The following PCDHGC3 variants were observed in gnomAD, a reference collection of about 807,000 sequenced individuals.
PCDHGC3 encodes the protein protocadherin gamma subfamily C, 3.
In PCDHGC3, 26 loss-of-function variants were observed where a neutral mutation model predicts 59.2. That is an observed-to-expected ratio of 0.44 (90% CI 0.32 to 0.61). The LOEUF is 0.61. PCDHGC3 is among the 20% of genes least tolerant of loss of function. The probability of loss-of-function intolerance (pLI) is 0.05; values close to 1 mark genes in which losing one functional copy is unlikely to be tolerated. For synonymous variants in PCDHGC3, 487 were observed against 519.7 expected (o/e 0.94, Z 0.86); for missense variants, 1,080 against 1,221.8 (o/e 0.88, Z 1.73).
At chr5:141,509,574 G>A (rs554778751) in intron 3 of PCDHGC3, among the ~76,000 whole-genome samples, 7 of 152,182 alleles carry the variant, frequency 4.6e-5, no homozygotes, top group Non-Finnish European at 5.9e-5. Flanking sequence ...TTCACAGTGC[G>A]TACAAATCAG....
intron 1 of PCDHGC3, among the ~76,000 whole-genome samples, chr5:141,492,927 G>C (rs925569925): frequency 6.6e-6 from 1 of 152,180 alleles, no homozygotes; most frequent in Non-Finnish European, 1.5e-5. Context: ...AGCGATCTAG[G>C]GTCAGAGATT....
At chr5:141,507,809 C>G (rs866898784) in intron 3 of PCDHGC3, among the ~76,000 whole-genome samples, 1 of 152,206 alleles carries the variant, frequency 6.6e-6, no homozygotes, top group Non-Finnish European at 1.5e-5. Context: ...CCCTGGGGAA[C>G]GGACCCTGGG....
intron 2 of PCDHGC3, 22 bp from the exon 3 acceptor site, chr5:141,505,371 C>G: frequency 1.2e-6 from 2 of 1,613,980 alleles, no homozygotes; most frequent in Non-Finnish European, 1.7e-6. Context: ...AGTCTGTGCT[C>G]ACCATCCTAC....
intron 2 of PCDHGC3, among the ~76,000 whole-genome samples, chr5:141,502,250 T>A (rs915754322): frequency 2.6e-5 from 4 of 152,242 alleles, no homozygotes; most frequent in East Asian, 3.8e-4. Context: ...TCCTTTTTTT[T>A]AATCCAGGAT....
Position 141,487,256 on chromosome 5 carries a change from G to T in PCDHGC3, c.2431-7551G>T. On this transcript the variant is annotated intron_variant, in intron 1 of 3. Coordinates refer to ENST00000308177, the MANE Select transcript of PCDHGC3 (RefSeq NM_002588.4). This position sits in a 1 kb window ranked among gnomAD's most constrained non-coding sequence, Gnocchi z 5.0. Reference sequence around the variant, plus strand: ...ATCTCGTCTAACCCTCTACTTGGCTGTGTCCCTAGTGGCAATTTGCTTTGT... The same window carrying T: ...ATCTCGTCTAACCCTCTACTTGGCTTTGTCCCTAGTGGCAATTTGCTTTGT... The T allele has an allele frequency of 2.5e-6, 4 of 1,614,166 alleles. No homozygotes were observed. Among genetic ancestry groups the T allele is most frequent in the Non-Finnish European group, 2.5e-6 (3 of 1,180,032 alleles).
At position 141,491,346 on chromosome 5, in the gene PCDHGC3, T is replaced by A. The variant is rs760843553; in HGVS notation, c.2431-3461T>A. ...TCATTGTGGCTCTAGCGACCGTCAG[T>A]CTCTTATCCCTAGTCACCTTCACCT... On this transcript the variant is annotated intron_variant, in intron 1 of 3. Coordinates refer to ENST00000308177, the MANE Select transcript of PCDHGC3 (RefSeq NM_002588.4). This position sits in a 1 kb window ranked among gnomAD's most constrained non-coding sequence, Gnocchi z 6.9. The A allele has an allele frequency of 6.2e-7, 1 of 1,614,088 alleles. No individual in the cohort carries two copies. The highest frequency in any genetic ancestry group is 1.1e-5 in the South Asian group (1 of 91,080).
Position 141,489,179 on chromosome 5 carries a change from C to T in PCDHGC3, c.2431-5628C>T. ...AGACTTCAGCTGCTGCATTCCAAGC[C>T]CTGGGTCTACCTTGGAGACAGGACA... On this transcript the variant is annotated intron_variant, in intron 1 of 3. Coordinates refer to ENST00000308177, the MANE Select transcript of PCDHGC3 (RefSeq NM_002588.4). The surrounding 1 kb of genome is among the most constrained non-coding windows in gnomAD (Gnocchi z 4.5). The T allele has an allele frequency of 8.0e-7, 1 of 1,243,186 alleles. No individual in the cohort carries two copies. The highest frequency in any genetic ancestry group is 1.1e-6 in the Non-Finnish European group (1 of 890,032). The allele number at this position is 1,243,186 out of a possible 1,614,324, so 77.0% of individuals were successfully genotyped here. A position where few individuals can be genotyped will look rare whatever the true frequency, so the allele number is the denominator to read the frequency against.
Position 141,491,900 on chromosome 5 carries a change from G to A in PCDHGC3, c.2431-2907G>A, listed in dbSNP as rs1268804496. 7.0e-7 allele frequency: 1 copy of A among 1,429,818 alleles called. No individual in the cohort carries two copies. Among genetic ancestry groups the A allele is most frequent in the East Asian group, 2.5e-5 (1 of 39,444 alleles). The allele number at this position is 1,429,818 out of a possible 1,614,324, so 88.6% of individuals were successfully genotyped here. A position where few individuals can be genotyped will look rare whatever the true frequency, so the allele number is the denominator to read the frequency against. ...TAAGGGATGGGGCTCCGAGCACCGGGGGTGGTGGCGACTGTGGGCGAGGGG... is the reference window on the plus strand; with the variant it reads ...TAAGGGATGGGGCTCCGAGCACCGGAGGTGGTGGCGACTGTGGGCGAGGGG... On this transcript the variant is annotated intron_variant, in intron 1 of 3. Coordinates refer to ENST00000308177, the MANE Select transcript of PCDHGC3 (RefSeq NM_002588.4). This position sits in a 1 kb window ranked among gnomAD's most constrained non-coding sequence, Gnocchi z 6.9.
rs889285153 is a variant in PCDHGC3, at chr5:141,494,978, T to C, written c.2489+113T>C. ...TGCTACAGATGGCTTCTCCCTCAGT[T>C]TGAGATCCCAGGGAGGTCTTGGTGT... On this transcript the variant is annotated intron_variant, in intron 2 of 3. Transcript: ENST00000308177. 7.6e-6 allele frequency: 12 copies of C among 1,572,974 alleles called. No homozygotes were observed. In the Admixed American group the frequency reaches 1.3e-4, roughly 17 times the overall value.
rs1456451105 is a variant in PCDHGC3 at position 141,477,377 on chromosome 5, C to T, written c.1261C>T (p.Pro421Ser). Reference sequence around the variant, plus strand: ...TGCAGACCTGGATCGGGAGACTGTGCCAGAATACAACCTCAGCATCACCGC... The same window carrying T: ...TGCAGACCTGGATCGGGAGACTGTGTCAGAATACAACCTCAGCATCACCGC... Reference protein sequence around the residue: ...TSADLDRETVPEYNLSITARD... With the variant: ...TSADLDRETVSEYNLSITARD... The change falls in exon 1 of 4, where the codon CCA becomes TCA. Residue 421 changes from proline to serine, a missense_variant. Pro to Ser is a moderately conservative substitution (Grantham distance 74). Coordinates refer to ENST00000308177, the MANE Select transcript of PCDHGC3 (RefSeq NM_002588.4). This position sits in a 1 kb window ranked among gnomAD's most constrained non-coding sequence, Gnocchi z 4.9. 1 of 1,614,144 alleles carries T rather than the reference C, an allele frequency of 6.2e-7. No homozygotes were observed. Among genetic ancestry groups the T allele is most frequent in the South Asian group, 1.1e-5 (1 of 91,080 alleles).
rs760680204 is a variant in PCDHGC3, at chr5:141,477,505, CG to C, written c.1390del (p.Val464PhefsTer14). ...CACAATCTTCTCAATCTTCCTACGA[CG>C]TTTACATTGAAGAAAACAACCTCCC... Reference protein sequence around the residue: ...PPQSSQSSYDVYIEENNLPGA... With the variant: ...PPQSSQSSYDXYIEENNLPGA... On this transcript the variant is annotated frameshift_variant, in exon 1 of 4. Coordinates refer to ENST00000308177, the MANE Select transcript of PCDHGC3 (RefSeq NM_002588.4). LOFTEE classifies it high-confidence loss of function. The surrounding 1 kb of genome is among the most constrained non-coding windows in gnomAD (Gnocchi z 4.9). The C allele has an allele frequency of 1.2e-5, 19 of 1,614,008 alleles. No individual in the cohort carries two copies. The highest frequency in any genetic ancestry group is 8.5e-7 in the Non-Finnish European group (1 of 1,180,018).
In PCDHGC3 at chr5:141,503,070, G is replaced by A. The variant is rs868143537; in HGVS notation, c.2490-2323G>A. 1.5e-4 allele frequency among the ~76,000 whole-genome samples: 23 copies of A among 151,614 alleles called. No individual in the cohort carries two copies. The Middle Eastern group carries it at 0.01, about 68-fold the overall frequency. On this transcript the variant is annotated intron_variant, in intron 2 of 3. Coordinates refer to ENST00000308177, the MANE Select transcript of PCDHGC3 (RefSeq NM_002588.4). ...GGGTTTCACCATGTTGGTCAGAATGGTCTCGATCTCCTGACCTCGTGGTCT... is the reference window on the plus strand; with the variant it reads ...GGGTTTCACCATGTTGGTCAGAATGATCTCGATCTCCTGACCTCGTGGTCT...
intron 1 of PCDHGC3, among the ~76,000 whole-genome samples, chr5:141,481,008 A>G (rs2099529606): frequency 6.6e-6 from 1 of 152,224 alleles, no homozygotes; most frequent in Non-Finnish European, 1.5e-5. Context: ...CAGTGAGCCC[A>G]GATCACACCA....
At position 141,505,451 on chromosome 5, in the gene PCDHGC3, C is replaced by T. The variant is rs1350424069; in HGVS notation, c.2548C>T (p.Leu850=). Residue 850 remains leucine (L), a synonymous_variant, in exon 3 of 4, where the codon CTG becomes TTG. Transcript: ENST00000308177. The part of the protein sequence containing the change: ...WPNNQFDTEM[L]QAMILASASE... ...CAACAACCAGTTTGACACAGAGATG[C>T]TGCAAGCCATGATCTTGGCGTCCGC... The T allele has an allele frequency of 1.2e-6, 2 of 1,614,222 alleles. No individual in the cohort carries two copies. The highest frequency in any genetic ancestry group is 1.7e-6 in the Non-Finnish European group (2 of 1,180,048).
At chr5:141,492,240 C>T (rs1031016944) in intron 1 of PCDHGC3, among the ~76,000 whole-genome samples, 1 of 152,242 alleles carries the variant, frequency 6.6e-6, no homozygotes, top group African/African-American at 2.4e-5. Flanking sequence ...CTGCTGGCCA[C>T]CCCCACGGCC....
In PCDHGC3 at chr5:141,485,865, C is replaced by T. The variant is rs1214425261; in HGVS notation, c.2430+7319C>T. The stretch of plus-strand genomic sequence containing the variant: ...TCTGGCACCGCAGAGCTCCGGGTAT[C>T]CGTGCTGGACGTAAACGACAACGCC... On this transcript the variant is annotated intron_variant, in intron 1 of 3. Transcript: ENST00000308177. The surrounding 1 kb of genome is among the most constrained non-coding windows in gnomAD (Gnocchi z 5.7). 23 of 1,614,182 alleles carry T rather than the reference C, an allele frequency of 1.4e-5. No homozygotes were observed. Among genetic ancestry groups the T allele is most frequent in the Non-Finnish European group, 1.8e-5 (21 of 1,180,034 alleles).
rs2099637746 is a variant in PCDHGC3, at chr5:141,486,980, A to G, written c.2431-7827A>G. Reference sequence around the variant, plus strand: ...TGCTGTGGACTTGGATTCAGGTTACAATGCTTGGGTTTCCTATCAGCTCCT... The same window carrying G: ...TGCTGTGGACTTGGATTCAGGTTACGATGCTTGGGTTTCCTATCAGCTCCT... On this transcript the variant is annotated intron_variant, in intron 1 of 3. Coordinates refer to ENST00000308177, the MANE Select transcript of PCDHGC3 (RefSeq NM_002588.4). This position sits in a 1 kb window ranked among gnomAD's most constrained non-coding sequence, Gnocchi z 5.0. The G allele has an allele frequency of 1.2e-6, 2 of 1,614,040 alleles. No individual in the cohort carries two copies. The highest frequency in any genetic ancestry group is 1.3e-5 in the African/African-American group (1 of 74,908).
Position 141,511,229 on chromosome 5 carries a change from T to G in PCDHGC3, c.*56T>G. 6.3e-7 allele frequency: 1 copy of G among 1,598,500 alleles called. No homozygotes were observed. Among genetic ancestry groups the G allele is most frequent in the Non-Finnish European group, 8.5e-7 (1 of 1,172,476 alleles). On this transcript the variant is annotated 3_prime_UTR_variant, in exon 4 of 4. Transcript: ENST00000308177. ...GCCTCTCCCCAACCAGCCCAGCTTC[T>G]CCTTACCTGCACCCAGGCCTCAGAG...
At chr5:141,483,840 T>C (rs996866862) in intron 1 of PCDHGC3, among the ~76,000 whole-genome samples, 2 of 152,172 alleles carry the variant, frequency 1.3e-5, no homozygotes, top group South Asian at 2.1e-4. Context: ...AAGGACTTGG[T>C]TGAATTAAGA....
Sources: allele counts gnomAD v4.1 joint callset (sites outside exome capture counted in the v4.1 genomes callset), GRCh38; gene constraint gnomAD v4.1.1; non-coding constraint Gnocchi (gnomAD v3.1); transcripts MANE v1.5; gene names NCBI Gene and HGNC (gene_info 2026-07-23, HGNC 2026-07-21).